Variants in KLHL13 observed in about 807,000 individuals in gnomAD.
KLHL13 encodes the protein kelch like family member 13.
A neutral mutation model predicts 37.1 loss-of-function variants in KLHL13; 10 were observed. The ratio of observed to expected loss-of-function variants is 0.27; its 90% confidence interval spans 0.17 to 0.46. KLHL13 has a LOEUF of 0.46. Among genes scored for constraint, KLHL13 ranks in the 20% least tolerant of loss-of-function variants. KLHL13 has a pLI of 1.00. For missense variants in KLHL13, 360 were observed against 509.3 expected, an observed-to-expected ratio of 0.71 and a Z score of 2.82; for synonymous variants, 163 against 181.2, an observed-to-expected ratio of 0.90 and a Z score of 0.81.
intron 1 of KLHL13, among the ~76,000 whole-genome samples, chrX:118,073,662 G>C (rs2054897423): frequency 8.9e-6 from 1 of 112,140 alleles, no homozygotes; most frequent in African/African-American, 3.2e-5. Flanking sequence ...AAGAGTTAAG[G>C]AATAATTTTG....
intron 1 of KLHL13, among the ~76,000 whole-genome samples, chrX:118,082,771 T>C (rs1218882054): frequency 1.8e-5 from 2 of 111,948 alleles, no homozygotes; most frequent in Non-Finnish European, 3.8e-5. Context: ...GATTTTTTTG[T>C]ATATGGTGAG....
exon 1 of KLHL13, chrX:117,973,007 C>G (rs2053549649): frequency 9.4e-7 from 1 of 1,059,920 alleles, no homozygotes; most frequent in Non-Finnish European, 1.2e-6. Flanking sequence ...TAAGGTACCT[C>G]CTTAAATTCT....
At chrX:117,959,491 T>C (rs1202678254) in intron 1 of KLHL13, among the ~76,000 whole-genome samples, 1 of 112,373 alleles carries the variant, frequency 8.9e-6, no homozygotes, top group African/African-American at 3.2e-5. Flanking sequence ...AAGAGAAACC[T>C]AGTTAAGATT....
At chrX:118,028,852 CA>C (rs1188290051) in intron 1 of KLHL13, among the ~76,000 whole-genome samples, 1 of 111,319 alleles carries the variant, frequency 9.0e-6, no homozygotes, top group Non-Finnish European at 1.9e-5. Context: ...GGAGAATTCT[CA>C]AAATAAACAA....
intron 1 of KLHL13, among the ~76,000 whole-genome samples, chrX:118,060,625 A>AG (rs748924578): frequency 4.5e-5 from 5 of 111,362 alleles, no homozygotes; most frequent in Non-Finnish European, 9.4e-5. Context: ...ATTAAAAAAA[A>AG]CAGAGGCTTC....
intron 1 of KLHL13, among the ~76,000 whole-genome samples, chrX:117,991,880 TC>T (rs2053795652): frequency 1.9e-5 from 2 of 103,781 alleles, no homozygotes; most frequent in Non-Finnish European, 3.8e-5. Context: ...TCTCTCTCTC[TC>T]TCTCTCTCTC....
intron 2 of KLHL13, among the ~76,000 whole-genome samples, chrX:117,921,416 G>T (rs1011742341): frequency 9.0e-6 from 1 of 111,444 alleles, no homozygotes; most frequent in Admixed American, 9.5e-5. Context: ...TAAAAAGATT[G>T]TAACAGGCTA....
intron 1 of KLHL13, chrX:117,947,855 T>C (rs924787471): frequency 9.8e-5 from 11 of 111,992 alleles, no homozygotes; most frequent in African/African-American, 2.6e-4. Context: ...TTCTTCAACA[T>C]TGCAAGGAGG....
Position 117,919,514 on chromosome X carries a change from A to G in KLHL13, c.570+7T>C. 8.4e-7 allele frequency: 1 copy of G among 1,190,766 alleles called. No individual in the cohort carries two copies. The highest frequency in any genetic ancestry group is 1.1e-6 in the Non-Finnish European group (1 of 878,388). ...CACAGGAAAAATCAGATTTCAAAAT[A>G]TCTTACCCCAGATATGAGAAACACT... is the stretch of plus-strand genomic sequence containing the variant. On this transcript the variant is annotated splice_region_variant and intron_variant, in intron 4 of 6. Coordinates refer to ENST00000262820, the Ensembl canonical transcript of KLHL13.
At chrX:118,018,980 CAT>C (rs982342207) in intron 1 of KLHL13, among the ~76,000 whole-genome samples, 3 of 111,185 alleles carry the variant, frequency 2.7e-5, no homozygotes, top group African/African-American at 9.8e-5. Context: ...TTTTGGTACA[CAT>C]AGACAGAGTG....
chrX:117,952,690 A>G (rs1469759089), intron 1 of KLHL13, among the ~76,000 whole-genome samples: 2 of 109,526 alleles, frequency 1.8e-5, no homozygotes, highest in Admixed American at 9.7e-5. Flanking sequence ...TCTACAATGA[A>G]CTCCAACAAA....
intron 1 of KLHL13, among the ~76,000 whole-genome samples, chrX:117,963,906 A>G (rs2053357190): frequency 1.0e-5 from 1 of 99,457 alleles, no homozygotes; most frequent in African/African-American, 3.7e-5. Flanking sequence ...CATGGATGAA[A>G]TTGGAAACCA....
chrX:117,953,140 G>A (rs1470233939), intron 1 of KLHL13, among the ~76,000 whole-genome samples: 1 of 110,096 alleles, frequency 9.1e-6, no homozygotes, highest in Non-Finnish European at 1.9e-5. Context: ...CAATAGCAAA[G>A]ACTTGGAACC....
chrX:117,998,749 G>T, intron 1 of KLHL13, among the ~76,000 whole-genome samples: 1 of 110,460 alleles, frequency 9.1e-6, no homozygotes, highest in South Asian at 3.9e-4. Flanking sequence ...CTGTCTCTGG[G>T]GGCACCATGA....
chrX:117,908,322 C>T (rs1226927787), intron 5 of KLHL13, among the ~76,000 whole-genome samples: 1 of 108,489 alleles, frequency 9.2e-6, no homozygotes, highest in East Asian at 2.9e-4. Context: ...TATACACGTG[C>T]CATGGTGGTT....
intron 1 of KLHL13, among the ~76,000 whole-genome samples, chrX:118,101,497 A>C (rs1363809707): frequency 9.0e-6 from 1 of 111,697 alleles, no homozygotes; most frequent in Admixed American, 9.5e-5. Flanking sequence ...AATACTATGG[A>C]AATACATGAA....
chrX:118,019,203 C>A (rs2054166799), intron 1 of KLHL13, among the ~76,000 whole-genome samples: 1 of 111,531 alleles, frequency 9.0e-6, no homozygotes, highest in Non-Finnish European at 1.9e-5. Flanking sequence ...TTCTTCTTCC[C>A]ATTTCTTCCC....
At chrX:117,990,979 G>A (rs1281553426) in intron 1 of KLHL13, among the ~76,000 whole-genome samples, 1 of 110,247 alleles carries the variant, frequency 9.1e-6, no homozygotes, top group Non-Finnish European at 1.9e-5. Context: ...TTCCCCAAAG[G>A]GAAGAGCTTA....
At chrX:117,958,271 G>T (rs1164776052) in intron 1 of KLHL13, among the ~76,000 whole-genome samples, 1 of 110,782 alleles carries the variant, frequency 9.0e-6, no homozygotes, top group Non-Finnish European at 1.9e-5. Flanking sequence ...TATAAATTAG[G>T]TACAGTAAGA....
Sources: gnomAD v4.1 joint callset for allele counts (sites outside exome capture counted in the v4.1 genomes callset) on GRCh38, gnomAD v4.1.1 for gene constraint, MANE v1.5 for transcripts, NCBI Gene and HGNC (gene_info 2026-07-23, HGNC 2026-07-21) for gene names.